The following DGKG variants were observed in gnomAD, a reference collection of about 807,000 sequenced individuals.
The protein encoded by DGKG is DAG kinase gamma.
DGKG carries 78 observed loss-of-function variants against 105.3 expected under a neutral mutation model. The ratio of observed to expected loss-of-function variants is 0.74; its 90% confidence interval spans 0.62 to 0.89. The LOEUF is 0.89. DGKG is among the 40% of genes least tolerant of loss of function. DGKG has a pLI of 0.00. For missense variants in DGKG, 958 were observed against 1,020.1 expected, an observed-to-expected ratio of 0.94 and a Z score of 0.83; for synonymous variants, 346 against 367.1, an observed-to-expected ratio of 0.94 and a Z score of 0.66.
chr3:186,181,981 G>A (rs1027415471), intron 22 of DGKG, among the ~76,000 whole-genome samples: 2 of 152,232 alleles, frequency 1.3e-5, no homozygotes, highest in Non-Finnish European at 2.9e-5. Context: ...TGGGGCCAGA[G>A]AGAAACAATG....
At chr3:186,209,730 T>C (rs996204679) in intron 21 of DGKG, among the ~76,000 whole-genome samples, 6 of 152,014 alleles carry the variant, frequency 3.9e-5, no homozygotes, top group Non-Finnish European at 5.9e-5. Context: ...GCGGTCTCCT[T>C]ACACCTGTTA....
At chr3:186,308,254 A>C (rs1279136208) in intron 2 of DGKG, among the ~76,000 whole-genome samples, 3 of 152,136 alleles carry the variant, frequency 2.0e-5, no homozygotes, top group African/African-American at 7.2e-5. Flanking sequence ...AGGAATTGGG[A>C]ATCCAGAAAA....
In DGKG at chr3:186,260,459, G is replaced by A; in HGVS notation, c.1404C>T (p.Asp468=). The part of the protein sequence containing the change: ...LLNPKQVFNL[D]NGGPTPGLNF... ...CATACCCTGGAGTAGGCCCCCCATT[G>A]TCCAGGTTGAAAACTTGTTTGGGGT... The change falls in exon 16 of 25, where the codon GAC becomes GAT. Residue 468 remains aspartate, a synonymous_variant. Coordinates refer to ENST00000265022, the MANE Select transcript of DGKG (RefSeq NM_001346.3). 1 of 1,612,966 alleles carries A rather than the reference G, an allele frequency of 6.2e-7. No homozygotes were observed. Among genetic ancestry groups the A allele is most frequent in the Admixed American group, 1.7e-5 (1 of 60,024 alleles).
intron 15 of DGKG, 39 bp downstream of exon 15, chr3:186,261,660 C>T (rs748289142): frequency 1.3e-5 from 19 of 1,431,006 alleles, no homozygotes; most frequent in Admixed American, 5.5e-5. Flanking sequence ...TGAGTCGTGT[C>T]GCCCTAGTTG....
At chr3:186,263,455 T>C (rs973151444) in intron 14 of DGKG, among the ~76,000 whole-genome samples, 3 of 151,770 alleles carry the variant, frequency 2.0e-5, no homozygotes, top group African/African-American at 7.3e-5. Flanking sequence ...TAATCCCAGC[T>C]ACTTGGGAGG....
chr3:186,201,667 G>A (rs1004939962), intron 21 of DGKG, among the ~76,000 whole-genome samples: 14 of 152,158 alleles, frequency 9.2e-5, no homozygotes, highest in Admixed American at 9.2e-4. Flanking sequence ...AGCAAGGTGG[G>A]CCCCTTTTTC....
At chr3:186,322,015 G>A (rs893440841) in intron 1 of DGKG, among the ~76,000 whole-genome samples, 3 of 152,084 alleles carry the variant, frequency 2.0e-5, no homozygotes, top group African/African-American at 2.4e-5. Context: ...GTCCTTCCTC[G>A]GCTTGTTTCT....
At chr3:186,287,428 A>G (rs1010330918) in intron 6 of DGKG, among the ~76,000 whole-genome samples, 44 of 152,350 alleles carry the variant, frequency 2.9e-4, no homozygotes, top group African/African-American at 1.0e-3. Context: ...TAATTGTTGA[A>G]ACTGGATGAT....
intron 6 of DGKG, among the ~76,000 whole-genome samples, chr3:186,287,198 G>A (rs1723110907): frequency 6.6e-6 from 1 of 152,020 alleles, no homozygotes; most frequent in African/African-American, 2.4e-5. Flanking sequence ...AGGATAATTG[G>A]AAAAATGTGA....
At chr3:186,299,827 T>TTATTTC (rs1723814137) in intron 3 of DGKG, among the ~76,000 whole-genome samples, 1 of 107,346 alleles carries the variant, frequency 9.3e-6, no homozygotes, top group Non-Finnish European at 2.0e-5. Context: ...CTTTCTTTCT[T>TTATTTC]TCTTTCTTTC....
intron 20 of DGKG, among the ~76,000 whole-genome samples, chr3:186,212,884 C>T (rs1387229670): frequency 6.6e-6 from 1 of 152,222 alleles, no homozygotes; most frequent in African/African-American, 2.4e-5. Context: ...AGGATGCCAC[C>T]TTGCATGGCG....
intron 2 of DGKG, among the ~76,000 whole-genome samples, chr3:186,313,911 C>T (rs1724679490): frequency 6.6e-6 from 1 of 151,972 alleles, no homozygotes; most frequent in African/African-American, 2.4e-5. Flanking sequence ...GATCAAGTCT[C>T]ACTCTACTGG....
intron 14 of DGKG, 49 bp from the exon 15 acceptor site, chr3:186,261,827 G>T (rs1474481348): frequency 8.1e-7 from 1 of 1,228,082 alleles, no homozygotes; most frequent in Non-Finnish European, 1.2e-6. Context: ...TCCAATAGGG[G>T]GCGTGAGATG....
At chr3:186,167,226 G>C (rs1394598848) in intron 22 of DGKG, among the ~76,000 whole-genome samples, 5 of 152,086 alleles carry the variant, frequency 3.3e-5, no homozygotes, top group Admixed American at 2.6e-4. Context: ...TCCTGCCTTT[G>C]AGTTTTCCCT....
intron 1 of DGKG, among the ~76,000 whole-genome samples, chr3:186,339,898 A>G (rs1316092016): frequency 6.6e-6 from 1 of 152,264 alleles, no homozygotes; most frequent in Non-Finnish European, 1.5e-5. Flanking sequence ...CATACTATTT[A>G]TTCTACCTAA....
chr3:186,348,654 G>A, intron 1 of DGKG, among the ~76,000 whole-genome samples: 1 of 151,856 alleles, frequency 6.6e-6, no homozygotes, highest in East Asian at 1.9e-4. Flanking sequence ...GTTTTGCCAT[G>A]TTGGCCAGGC....
Position 186,312,224 on chromosome 3 carries a change from T to C in DGKG, c.68-5247A>G, listed in dbSNP as rs76370479. ...ACTCCGAAAAAACTATAAATCAACA[T>C]TTTCAAAAGTGAATCTGAAAATCCA... On this transcript the variant is annotated intron_variant, in intron 2 of 24. Transcript: ENST00000265022. Among the ~76,000 whole-genome samples, 1,250 of 147,822 alleles carry C rather than the reference T, an allele frequency of 8.5e-3. 24 individuals are homozygous for C. The highest frequency in any genetic ancestry group is 0.028 in the African/African-American group (1,123 of 40,322).
rs561029328 is a variant in DGKG at position 186,236,310 on chromosome 3, A to G, written c.1826+6194T>C. Among the ~76,000 whole-genome samples the G allele has an allele frequency of 8.5e-5, 13 of 152,370 alleles. 1 individual carries two copies. The South Asian group carries it at 2.7e-3, about 32-fold the overall frequency. ...ACTGAATCCAATTTGTCACTCCATTAAAAACAACCCTTTTATTGTCAATAC... is the reference window on the plus strand; with the variant it reads ...ACTGAATCCAATTTGTCACTCCATTGAAAACAACCCTTTTATTGTCAATAC... On this transcript the variant is annotated intron_variant, in intron 20 of 24. Coordinates refer to ENST00000265022, the MANE Select transcript of DGKG (RefSeq NM_001346.3).
intron 22 of DGKG, among the ~76,000 whole-genome samples, chr3:186,167,632 G>A (rs987865246): frequency 6.6e-6 from 1 of 152,182 alleles, no homozygotes; most frequent in South Asian, 2.1e-4. Flanking sequence ...CCAGGTGTCT[G>A]TTTTACCTTA....
Sources: gnomAD v4.1 joint callset for allele counts (sites outside exome capture counted in the v4.1 genomes callset) on GRCh38, gnomAD v4.1.1 for gene constraint, MANE v1.5 for transcripts, NCBI Gene and HGNC (gene_info 2026-07-23, HGNC 2026-07-21) for gene names.